The following HPSE2 variants were observed in gnomAD, a reference collection of about 807,000 sequenced individuals.
The protein encoded by HPSE2 is inactive heparanase-2.
A neutral mutation model predicts 60.5 loss-of-function variants in HPSE2; 38 were observed. The observed-to-expected ratio is 0.63, with a 90% CI of 0.48 to 0.82. The LOEUF is 0.82. HPSE2 is among the 40% of genes least tolerant of loss of function. HPSE2 has a pLI of 0.00. For synonymous variants in HPSE2, 295 were observed against 293.2 expected, an observed-to-expected ratio of 1.01 and a Z score of -0.06; for missense variants, 713 against 740.4, an observed-to-expected ratio of 0.96 and a Z score of 0.43.
At chr10:99,114,371 AG>A (rs1196161721) in intron 3 of HPSE2, among the ~76,000 whole-genome samples, 2 of 152,244 alleles carry the variant, frequency 1.3e-5, no homozygotes, top group Non-Finnish European at 2.9e-5. Context: ...AACTAAATGA[AG>A]GAACCTCTAA....
intron 3 of HPSE2, among the ~76,000 whole-genome samples, chr10:98,751,575 G>A (rs143856072): frequency 5.4e-4 from 82 of 152,318 alleles, no homozygotes; most frequent in African/African-American, 1.7e-3. Flanking sequence ...TTGGAAGACA[G>A]GGCTGGTGAC....
intron 3 of HPSE2, among the ~76,000 whole-genome samples, chr10:98,913,665 T>G (rs1954041399): frequency 6.6e-6 from 1 of 152,176 alleles, no homozygotes; most frequent in Admixed American, 6.5e-5. Flanking sequence ...GCAGCCCAAA[T>G]GCCACTGAAA....
chr10:99,169,356 T>A (rs1024593069), intron 2 of HPSE2, among the ~76,000 whole-genome samples: 2 of 148,158 alleles, frequency 1.3e-5, no homozygotes, highest in African/African-American at 5.0e-5. Flanking sequence ...ATAGAAAAAA[T>A]TAGCCGGGCG....
chr10:99,247,847 T>C, the HPSE2 span, among the ~76,000 whole-genome samples: 1 of 152,154 alleles, frequency 6.6e-6, no homozygotes, highest in African/African-American at 2.4e-5. Flanking sequence ...TCTCATGAGA[T>C]TGGGTTGTTT....
intron 6 of HPSE2, among the ~76,000 whole-genome samples, chr10:98,653,752 AG>A (rs1946983674): frequency 6.6e-6 from 1 of 152,074 alleles, no homozygotes; most frequent in South Asian, 2.1e-4. Flanking sequence ...AATTAAAATA[AG>A]GAAAATAAAA....
At chr10:99,071,489 T>G (rs1421075439) in intron 3 of HPSE2, among the ~76,000 whole-genome samples, 1 of 152,214 alleles carries the variant, frequency 6.6e-6, no homozygotes, top group Non-Finnish European at 1.5e-5. Context: ...TTTGTTAATC[T>G]TTTGTTTGTT....
intron 3 of HPSE2, among the ~76,000 whole-genome samples, chr10:99,136,278 C>T (rs1484726222): frequency 6.6e-6 from 1 of 152,034 alleles, no homozygotes; most frequent in Non-Finnish European, 1.5e-5. Context: ...CGTTGAGGAC[C>T]AGACAGATTC....
chr10:98,944,577 T>G (rs1230732629), intron 3 of HPSE2, among the ~76,000 whole-genome samples: 1 of 152,154 alleles, frequency 6.6e-6, no homozygotes, highest in Non-Finnish European at 1.5e-5. Flanking sequence ...CATTATCATT[T>G]ATTCAGTAAT....
At chr10:98,753,393 C>G (rs80225552) in intron 3 of HPSE2, among the ~76,000 whole-genome samples, 3,472 of 152,146 alleles carry the variant, frequency 0.023, 68 homozygotes, top group South Asian at 0.047. Flanking sequence ...AATTTCACTC[C>G]TAGGTATATA....
In HPSE2 at chr10:98,674,730, C is replaced by T. The variant is rs573075895; in HGVS notation, c.1004+19170G>A. On this transcript the variant is annotated intron_variant, in intron 6 of 11. Coordinates refer to ENST00000370552, the MANE Select transcript of HPSE2 (RefSeq NM_021828.5). ...AGGAGTTCGAGACCAGCCTGGCCAACATGGTGAAACCCTGTCTTTACTAAA... is the reference window on the plus strand; with the variant it reads ...AGGAGTTCGAGACCAGCCTGGCCAATATGGTGAAACCCTGTCTTTACTAAA... 7.2e-5 allele frequency among the ~76,000 whole-genome samples: 11 copies of T among 152,226 alleles called. 1 individual carries two copies. In the South Asian group the frequency reaches 2.3e-3, roughly 32 times the overall value.
At chr10:99,030,230 T>A (rs1957470319) in intron 3 of HPSE2, among the ~76,000 whole-genome samples, 3 of 152,218 alleles carry the variant, frequency 2.0e-5, no homozygotes, top group Admixed American at 1.3e-4. Context: ...GTATAACTAT[T>A]CTTGTTTTAT....
the HPSE2 span, among the ~76,000 whole-genome samples, chr10:99,312,297 T>C: frequency 5.4e-4 from 82 of 152,302 alleles, 1 homozygote; most frequent in African/African-American, 1.8e-3. Context: ...AGGACTTCCA[T>C]AGCTAGAGAG....
chr10:99,045,524 T>C (rs1589568532), intron 3 of HPSE2, among the ~76,000 whole-genome samples: 1 of 151,874 alleles, frequency 6.6e-6, no homozygotes, highest in African/African-American at 2.4e-5. Flanking sequence ...CAAAAATCCA[T>C]ATGAAAAAAT....
chr10:99,290,095 T>C, the HPSE2 span, among the ~76,000 whole-genome samples: 2 of 152,232 alleles, frequency 1.3e-5, no homozygotes, highest in African/African-American at 4.8e-5. Context: ...ATAGATTGTT[T>C]AAATTTTAAA....
Position 98,614,955 on chromosome 10 carries a change from A to C in HPSE2, c.1269T>G (p.Phe423Leu), listed in dbSNP as rs927399175. 1 of 1,614,046 alleles carries C rather than the reference A, an allele frequency of 6.2e-7. No homozygotes were observed. Among genetic ancestry groups the C allele is most frequent in the African/African-American group, 1.3e-5 (1 of 74,916 alleles). Residue 423 changes from phenylalanine (F) to leucine (L), a missense_variant, in exon 9 of 12, where the codon TTT (phenylalanine) becomes TTG (leucine). Coordinates refer to ENST00000370552, the MANE Select transcript of HPSE2 (RefSeq NM_021828.5). Reference sequence around the variant, plus strand: ...CGAGGTGATTGTATCCATGGTCAAAAAATGAGTGCCGTATCACGACATCAA... The same window carrying C: ...CGAGGTGATTGTATCCATGGTCAAACAATGAGTGCCGTATCACGACATCAA... ...QGIDVVIRHS[F>L]FDHGYNHLVD...
At chr10:98,941,477 C>A (rs1039928590) in intron 3 of HPSE2, among the ~76,000 whole-genome samples, 7 of 141,836 alleles carry the variant, frequency 4.9e-5, no homozygotes, top group Non-Finnish European at 9.0e-5. Flanking sequence ...CTCCCATTCA[C>A]AATTGCTTCA....
Position 98,590,110 on chromosome 10 carries a change from T to C in HPSE2, c.1320+24794A>G, listed in dbSNP as rs188184621. ...GTAAGAGAGTAAAGAAGGGGTTTAC[T>C]GCATGTTCTAACACCAACCCCCAAA... is the stretch of plus-strand genomic sequence containing the variant. On this transcript the variant is annotated intron_variant, in intron 9 of 11. Coordinates refer to ENST00000370552, the MANE Select transcript of HPSE2 (RefSeq NM_021828.5). Among the ~76,000 whole-genome samples the C allele has an allele frequency of 7.9e-5, 12 of 152,366 alleles. No individual in the cohort carries two copies. The East Asian group carries it at 2.1e-3, about 27-fold the overall frequency.
chr10:99,314,203 C>T, the HPSE2 span, among the ~76,000 whole-genome samples: 2 of 152,150 alleles, frequency 1.3e-5, no homozygotes, highest in African/African-American at 4.8e-5. Flanking sequence ...GTCTCTGCAG[C>T]CCAGGCTGGA....
At chr10:99,278,110 A>T in the HPSE2 span, among the ~76,000 whole-genome samples, 1 of 144,624 alleles carries the variant, frequency 6.9e-6, no homozygotes, top group African/African-American at 2.6e-5. Flanking sequence ...AAAAAAAAAA[A>T]CTGATATGCA....
Sources: gnomAD v4.1 joint callset for allele counts (sites outside exome capture counted in the v4.1 genomes callset) on GRCh38, gnomAD v4.1.1 for gene constraint, MANE v1.5 for transcripts, NCBI Gene and HGNC (gene_info 2026-07-23, HGNC 2026-07-21) for gene names.